Variants in SLC38A11 observed in about 807,000 individuals in gnomAD.
The protein encoded by SLC38A11 is solute carrier family 38 member 11.
In SLC38A11, 51 loss-of-function variants were observed where a neutral mutation model predicts 49.4. That is an observed-to-expected ratio of 1.03 (90% CI 0.83 to 1.30). The LOEUF (loss-of-function observed/expected upper bound fraction) is 1.30. SLC38A11 is among the 50% of genes most tolerant of loss of function. The pLI is 0.00. For synonymous variants in SLC38A11, 203 were observed against 192.9 expected (o/e 1.05, Z -0.43); for missense variants, 574 against 556.2 (o/e 1.03, Z -0.32).
intron 11 of SLC38A11, among the ~76,000 whole-genome samples, chr2:164,903,184 A>ATG (rs1204149588): frequency 1.0e-4 from 2 of 19,734 alleles, no homozygotes; most frequent in African/African-American, 1.4e-4. Flanking sequence ...TCAAATACAA[A>ATG]TGTGTGTGTG....
chr2:164,955,129 G>C, intron 1 of SLC38A11, 80 bp downstream of exon 1: 1 of 1,348,746 alleles, frequency 7.4e-7, no homozygotes, highest in Non-Finnish European at 1.0e-6. Context: ...CCCAGGTGAA[G>C]GTAGGTGACC....
chr2:164,929,796 T>C (rs1559112298), intron 7 of SLC38A11, among the ~76,000 whole-genome samples: 2 of 152,040 alleles, frequency 1.3e-5, no homozygotes, highest in Non-Finnish European at 2.9e-5. Context: ...AAAAATTCAG[T>C]GGCTCCTCAT....
At chr2:164,901,676 A>T (rs367767205) in intron 11 of SLC38A11, among the ~76,000 whole-genome samples, 2 of 152,152 alleles carry the variant, frequency 1.3e-5, no homozygotes, top group African/African-American at 4.8e-5. Flanking sequence ...GATTTTCCAC[A>T]TATAGAATCA....
intron 7 of SLC38A11, among the ~76,000 whole-genome samples, chr2:164,921,706 T>A (rs1457052879): frequency 6.6e-6 from 1 of 152,262 alleles, no homozygotes; most frequent in South Asian, 2.1e-4. Context: ...GAAGCAGTAT[T>A]CCTTACAATA....
chr2:164,923,608 A>G (rs1686359967), intron 7 of SLC38A11, among the ~76,000 whole-genome samples: 2 of 152,064 alleles, frequency 1.3e-5, no homozygotes, highest in African/African-American at 2.4e-5. Context: ...CAGCCTGGGC[A>G]ACGTAACTGG....
chr2:164,902,495 C>A (rs1284183880), intron 11 of SLC38A11, among the ~76,000 whole-genome samples: 4 of 152,174 alleles, frequency 2.6e-5, no homozygotes, highest in Admixed American at 2.0e-4. Context: ...AGTTAATTTG[C>A]AAGCATACAC....
At chr2:164,945,253 T>C (rs887535301) in intron 4 of SLC38A11, among the ~76,000 whole-genome samples, 2 of 137,116 alleles carry the variant, frequency 1.5e-5, no homozygotes, top group Non-Finnish European at 3.2e-5. Context: ...ACAAATCCTT[T>C]GCTTTTTTTT....
chr2:164,932,027 G>T (rs1342736486), intron 7 of SLC38A11, among the ~76,000 whole-genome samples: 2 of 152,028 alleles, frequency 1.3e-5, no homozygotes, highest in African/African-American at 4.8e-5. Flanking sequence ...CTATGCATCT[G>T]ACAAAGGTCT....
At chr2:164,942,561 G>A (rs1257173335) in intron 5 of SLC38A11, among the ~76,000 whole-genome samples, 1 of 151,814 alleles carries the variant, frequency 6.6e-6, no homozygotes, top group East Asian at 1.9e-4. Context: ...AAAGATAACC[G>A]CAGTTTATAT....
chr2:164,931,907 G>A (rs527264045), intron 7 of SLC38A11, among the ~76,000 whole-genome samples: 1 of 152,218 alleles, frequency 6.6e-6, no homozygotes, highest in African/African-American at 2.4e-5. Context: ...TGCAACAAAA[G>A]CAAAAATTGA....
intron 7 of SLC38A11, among the ~76,000 whole-genome samples, chr2:164,933,969 G>A (rs939086646): frequency 2.6e-5 from 4 of 152,084 alleles, no homozygotes; most frequent in African/African-American, 9.7e-5. Context: ...ACATTTCAAA[G>A]GCTCAGATAA....
At chr2:164,948,911 A>C (rs571038730) in intron 3 of SLC38A11, among the ~76,000 whole-genome samples, 2 of 147,906 alleles carry the variant, frequency 1.4e-5, no homozygotes, top group East Asian at 3.9e-4. Flanking sequence ...TTTTTCATAA[A>C]TACTCAGAGG....
At chr2:164,940,163 G>A (rs1406720102) in intron 5 of SLC38A11, among the ~76,000 whole-genome samples, 1 of 149,820 alleles carries the variant, frequency 6.7e-6, no homozygotes, top group Non-Finnish European at 1.5e-5. Flanking sequence ...AAGTCACAGG[G>A]AAGCTGCTGC....
chr2:164,928,557 C>A (rs1473362368), intron 7 of SLC38A11, among the ~76,000 whole-genome samples: 1 of 152,130 alleles, frequency 6.6e-6, no homozygotes, highest in South Asian at 2.1e-4. Flanking sequence ...TCTCACAGTG[C>A]TTACAATATA....
chr2:164,947,407 C>T lies in SLC38A11; in HGVS notation c.230-1680G>A, dbSNP rs148267027. 9.5e-3 allele frequency among the ~76,000 whole-genome samples: 1,449 copies of T among 152,180 alleles called. 30 individuals are homozygous for T. The highest frequency in any genetic ancestry group is 0.033 in the African/African-American group (1,376 of 41,504). On this transcript the variant is annotated intron_variant, in intron 3 of 11. Coordinates refer to ENST00000685975, the MANE Select transcript of SLC38A11 (RefSeq NM_001351537.2). ...TAGGCCTCCCAAATTGCTGGGATTACAGGCGTAAGCTACCGCGCCTGGCCT... is the reference window on the plus strand; with the variant it reads ...TAGGCCTCCCAAATTGCTGGGATTATAGGCGTAAGCTACCGCGCCTGGCCT...
At chr2:164,928,146 T>C (rs1686729217) in intron 7 of SLC38A11, among the ~76,000 whole-genome samples, 1 of 152,178 alleles carries the variant, frequency 6.6e-6, no homozygotes, top group Non-Finnish European at 1.5e-5. Context: ...TTATGTAGAC[T>C]CAGATAAAGC....
rs1216733612 is a variant in SLC38A11 at position 164,897,066 on chromosome 2, T to A, written c.*1371A>T. The A allele has an allele frequency of 1.3e-5, 2 of 152,134 alleles. No individual in the cohort carries two copies. The highest frequency in any genetic ancestry group is 2.9e-5 in the Non-Finnish European group (2 of 68,014). The allele number at this position is 152,134 out of a possible 1,614,324, so 9.4% of individuals were successfully genotyped here. ...GGTGATACTTGATATAAGGAAGCCA[T>A]CCAGATGGCCCCAGATTTTCATGTT... On this transcript the variant is annotated 3_prime_UTR_variant, in exon 12 of 12. Coordinates refer to ENST00000685975, the MANE Select transcript of SLC38A11 (RefSeq NM_001351537.2).
intron 11 of SLC38A11, among the ~76,000 whole-genome samples, chr2:164,905,663 C>A (rs894218018): frequency 6.6e-6 from 1 of 151,986 alleles, no homozygotes; most frequent in Non-Finnish European, 1.5e-5. Flanking sequence ...GAATGGAGAT[C>A]CTAGATTTTA....
intron 10 of SLC38A11, 60 bp from the exon 11 acceptor site, chr2:164,908,831 G>T (rs770422669): frequency 3.3e-6 from 5 of 1,521,968 alleles, no homozygotes; most frequent in Non-Finnish European, 4.4e-6. Flanking sequence ...ATTTATTGAG[G>T]GAGTATTTTA....
Sources: allele counts gnomAD v4.1 joint callset (sites outside exome capture counted in the v4.1 genomes callset), GRCh38; gene constraint gnomAD v4.1.1; transcripts MANE v1.5; gene names NCBI Gene and HGNC (gene_info 2026-07-23, HGNC 2026-07-21).